Variants in UIMC1 observed in about 807,000 individuals in gnomAD.
UIMC1 encodes ubiquitin interaction motif containing 1.
UIMC1 carries 42 observed loss-of-function variants against 84.9 expected under a neutral mutation model. That is an observed-to-expected ratio of 0.49 (90% confidence interval 0.39 to 0.64). UIMC1 has a LOEUF of 0.64. UIMC1 is among the 30% of genes least tolerant of loss of function. UIMC1 has a pLI of 0.00. For missense variants in UIMC1, 825 were observed against 847.6 expected (o/e 0.97, Z 0.33); for synonymous variants, 281 against 293.0 (o/e 0.96, Z 0.42).
chr5:176,905,854 T>A, intron 14 of UIMC1, 157 bp downstream of exon 14: 1 of 738,928 alleles, frequency 1.4e-6, no homozygotes. Flanking sequence ...TTTAGCTAAA[T>A]GGGGAGCACA....
intron 10 of UIMC1, among the ~76,000 whole-genome samples, chr5:176,927,506 G>A (rs906320210): frequency 1.3e-5 from 2 of 151,886 alleles, no homozygotes; most frequent in Non-Finnish European, 2.9e-5. Flanking sequence ...CACCCACCTC[G>A]ACCTCCCAAA....
chr5:177,010,623 G>A (rs1775525590), upstream of UIMC1, among the ~76,000 whole-genome samples: 2 of 152,112 alleles, frequency 1.3e-5, no homozygotes, highest in South Asian at 4.2e-4. Context: ...CTGGGTTCAA[G>A]CGATTCTCCT....
At chr5:176,942,129 C>T (rs1173942120) in intron 10 of UIMC1, among the ~76,000 whole-genome samples, 7 of 152,142 alleles carry the variant, frequency 4.6e-5, no homozygotes, top group South Asian at 2.1e-4. Context: ...CATGAACCAC[C>T]GCGCCCAGCC....
exon 1 of UIMC1, chr5:177,022,485 G>A (rs1268050979): frequency 2.1e-6 from 1 of 469,044 alleles, no homozygotes; most frequent in Non-Finnish European, 3.8e-6. Context: ...TGAGAGCCAT[G>A]AGCCAAAACC....
chr5:177,004,276 G>A (rs946732516), intron 1 of UIMC1, among the ~76,000 whole-genome samples: 4 of 152,138 alleles, frequency 2.6e-5, no homozygotes, highest in Non-Finnish European at 5.9e-5. Context: ...TCAATAAGAA[G>A]CATTAAGTAC....
chr5:177,001,045 C>A (rs113266022), intron 1 of UIMC1, among the ~76,000 whole-genome samples: 1 of 152,046 alleles, frequency 6.6e-6, no homozygotes, highest in Non-Finnish European at 1.5e-5. Context: ...GCTTTGGTTG[C>A]CTGTGGTTAT....
At chr5:176,944,750 A>T (rs1328238968) in intron 9 of UIMC1, among the ~76,000 whole-genome samples, 1 of 152,244 alleles carries the variant, frequency 6.6e-6, no homozygotes, top group Non-Finnish European at 1.5e-5. Flanking sequence ...AGATGAAAAC[A>T]GGCCATCTAA....
intron 9 of UIMC1, among the ~76,000 whole-genome samples, chr5:176,949,727 G>C (rs1049744901): frequency 6.6e-6 from 1 of 152,206 alleles, no homozygotes; most frequent in African/African-American, 2.4e-5. Flanking sequence ...GCAGCGCAGA[G>C]ACCAGGGAGA....
chr5:176,973,306 A>G (rs994360191), intron 3 of UIMC1, among the ~76,000 whole-genome samples: 1 of 152,206 alleles, frequency 6.6e-6, no homozygotes, highest in Non-Finnish European at 1.5e-5. Context: ...AAATAAAATA[A>G]AATAAAAATC....
At chr5:177,008,426 G>A (rs1760604256), upstream of UIMC1, among the ~76,000 whole-genome samples, 1 of 152,084 alleles carries the variant, frequency 6.6e-6, no homozygotes, top group Non-Finnish European at 1.5e-5. Flanking sequence ...TATAAGACTT[G>A]TGAGCTCTAT....
chr5:176,993,320 G>A (rs1204878181), intron 1 of UIMC1, among the ~76,000 whole-genome samples: 1 of 152,002 alleles, frequency 6.6e-6, no homozygotes, highest in Non-Finnish European at 1.5e-5. Context: ...CAAGTAGCTA[G>A]GACCACAGGC....
At chr5:177,019,928 TA>T (rs36095013) in intron 1 of UIMC1, among the ~76,000 whole-genome samples, 1,483 of 145,904 alleles carry the variant, frequency 0.01, 9 homozygotes, top group South Asian at 0.026. Flanking sequence ...ACTCCGTCTA[TA>T]AAAAAAAAAA....
In UIMC1 at chr5:176,966,284, T is replaced by A. The variant is rs150074708; in HGVS notation, c.1200+2271A>T. ...AATTCACTTTAATCATTAAAATAACTGTCGAAAGATAGGAATTGTTATTCC... is the reference window on the plus strand; with the variant it reads ...AATTCACTTTAATCATTAAAATAACAGTCGAAAGATAGGAATTGTTATTCC... On this transcript the variant is annotated intron_variant, in intron 6 of 14. Transcript: ENST00000511320. Among the ~76,000 whole-genome samples, 1,386 of 152,348 alleles carry A rather than the reference T, an allele frequency of 9.1e-3. 8 individuals are homozygous for A. The highest frequency in any genetic ancestry group is 0.025 in the South Asian group (121 of 4,830).
At chr5:176,936,394 C>G (rs1763717824) in intron 10 of UIMC1, among the ~76,000 whole-genome samples, 1 of 152,178 alleles carries the variant, frequency 6.6e-6, no homozygotes, top group African/African-American at 2.4e-5. Flanking sequence ...ATCATAGTGC[C>G]AAAAACAAAA....
chr5:176,926,494 GGGTGTGGT>G (rs905482220), intron 10 of UIMC1, among the ~76,000 whole-genome samples: 76 of 152,094 alleles, frequency 5.0e-4, no homozygotes, highest in African/African-American at 1.8e-3. Flanking sequence ...AAAATTAGCT[GGGTGTGGT>G]GGTGAGTGCT....
Position 176,969,297 on chromosome 5 carries a change from G to A in UIMC1, c.464-6C>T. Reference sequence around the variant, plus strand: ...AGGTACCAGCTGCCATATGCCTGTAGGTATTTGAGAAAAAGTAGGGCTAAG... The same window carrying A: ...AGGTACCAGCTGCCATATGCCTGTAAGTATTTGAGAAAAAGTAGGGCTAAG... On this transcript the variant is annotated splice_region_variant and splice_polypyrimidine_tract_variant and intron_variant, in intron 5 of 14. Transcript: ENST00000511320. 6.3e-7 allele frequency: 1 copy of A among 1,591,680 alleles called. No individual in the cohort carries two copies. The highest frequency in any genetic ancestry group is 8.5e-7 in the Non-Finnish European group (1 of 1,171,438).
chr5:177,017,087 G>A (rs1459929622), intron 1 of UIMC1, among the ~76,000 whole-genome samples: 2 of 152,192 alleles, frequency 1.3e-5, no homozygotes. Flanking sequence ...CTGAGAAGTG[G>A]ACTAGGATTG....
chr5:176,955,934 A>G, intron 8 of UIMC1, 25 bp downstream of exon 8: 1 of 1,607,918 alleles, frequency 6.2e-7, no homozygotes, highest in South Asian at 1.1e-5. Context: ...TCAGAAATTC[A>G]GTAAAATCAC....
intron 9 of UIMC1, among the ~76,000 whole-genome samples, chr5:176,949,294 C>A (rs1765542432): frequency 1.3e-5 from 2 of 152,050 alleles, no homozygotes; most frequent in Non-Finnish European, 2.9e-5. Flanking sequence ...AGAGGACATT[C>A]AATGTGAGAA....
Sources: allele counts gnomAD v4.1 joint callset (sites outside exome capture counted in the v4.1 genomes callset), GRCh38; gene constraint gnomAD v4.1.1; transcripts MANE v1.5; gene names NCBI Gene and HGNC (gene_info 2026-07-23, HGNC 2026-07-21).